Variants in PARD3B observed in about 807,000 individuals in gnomAD.
The protein encoded by PARD3B is partitioning defective 3 homolog B.
Under a neutral mutation model 130.2 loss-of-function variants are expected in PARD3B, and 103 were observed. The observed-to-expected ratio is 0.79, with a 90% CI of 0.67 to 0.93. PARD3B has a LOEUF of 0.93. Among genes scored for constraint, PARD3B ranks in the 40% least tolerant of loss-of-function variants. PARD3B has a pLI of 0.00. For missense variants in PARD3B, 1,609 were observed against 1,499.2 expected, an observed-to-expected ratio of 1.07 and a Z score of -1.21; for synonymous variants, 583 against 553.2, an observed-to-expected ratio of 1.05 and a Z score of -0.76.
intron 4 of PARD3B, among the ~76,000 whole-genome samples, chr2:205,072,708 A>G (rs1217142951): frequency 6.6e-6 from 1 of 152,242 alleles, no homozygotes; most frequent in Non-Finnish European, 1.5e-5. Context: ...GGAAGAAAAT[A>G]ATATCCTTCT....
Position 205,405,457 on chromosome 2 carries a change from C to G in PARD3B, c.2741+4334C>G, listed in dbSNP as rs562482560. Among the ~76,000 whole-genome samples, 40 of 152,252 alleles carry G rather than the reference C, an allele frequency of 2.6e-4. No individual in the cohort carries two copies. The South Asian group carries it at 4.1e-3, about 16-fold the overall frequency. On this transcript the variant is annotated intron_variant, in intron 19 of 22. Transcript: ENST00000406610. The surrounding 1 kb of genome is among the most constrained non-coding windows in gnomAD (Gnocchi z 4.1). ...ACAAAGAGCAAGGTACTCTCCTAGA[C>G]ATCAGAATTGCATTGTGTCATATTT...
chr2:205,608,704 A>G (rs1417367064), intron 22 of PARD3B, among the ~76,000 whole-genome samples: 1 of 152,236 alleles, frequency 6.6e-6, no homozygotes, highest in East Asian at 1.9e-4. Flanking sequence ...CATTTTCCAG[A>G]TAATGTCTGC....
intron 2 of PARD3B, among the ~76,000 whole-genome samples, chr2:204,877,090 G>A (rs1471469547): frequency 2.0e-5 from 3 of 152,152 alleles, no homozygotes; most frequent in Admixed American, 6.5e-5. Context: ...CATGTCCTTT[G>A]TAGGGACGTG....
At chr2:204,739,869 T>A (rs1446342805) in intron 2 of PARD3B, among the ~76,000 whole-genome samples, 1 of 152,130 alleles carries the variant, frequency 6.6e-6, no homozygotes, top group Non-Finnish European at 1.5e-5. Flanking sequence ...TTTTTAAGAA[T>A]AAAGCTTCTC....
chr2:204,597,250 C>T (rs1026462766), intron 1 of PARD3B, among the ~76,000 whole-genome samples: 1 of 150,944 alleles, frequency 6.6e-6, no homozygotes, highest in African/African-American at 2.4e-5. Context: ...TGGCAGGAGC[C>T]GATGCGTGTT....
At chr2:204,814,274 G>C (rs1181539725) in intron 2 of PARD3B, among the ~76,000 whole-genome samples, 1 of 151,616 alleles carries the variant, frequency 6.6e-6, no homozygotes, top group Non-Finnish European at 1.5e-5. Context: ...CTGACATAAA[G>C]AGATACAATT....
At chr2:204,998,404 G>T (rs62173515) in intron 3 of PARD3B, among the ~76,000 whole-genome samples, 1 of 58,258 alleles carries the variant, frequency 1.7e-5, no homozygotes, top group Non-Finnish European at 3.3e-5. Context: ...ATGTATATAT[G>T]TGTATATATA....
At chr2:204,771,097 G>A (rs17450756) in intron 2 of PARD3B, among the ~76,000 whole-genome samples, 1,990 of 152,174 alleles carry the variant, frequency 0.013, 21 homozygotes, top group African/African-American at 0.024. Flanking sequence ...ATCAGAGCAG[G>A]CATGTGTGCA....
chr2:205,614,322 C>T (rs1337893130), intron 22 of PARD3B, among the ~76,000 whole-genome samples: 1 of 152,196 alleles, frequency 6.6e-6, no homozygotes, highest in Non-Finnish European at 1.5e-5. Flanking sequence ...CAAGGTACAA[C>T]TTACAGCTGG....
In PARD3B at chr2:205,160,397, A is replaced by T. The variant is rs981582559; in HGVS notation, c.1620+1490A>T. Reference sequence around the variant, plus strand: ...AGGCTAGCTGGCGCATGTCCCTCTCATGCCTCGAGCTGTCAGAGGGCCAGC... The same window carrying T: ...AGGCTAGCTGGCGCATGTCCCTCTCTTGCCTCGAGCTGTCAGAGGGCCAGC... On this transcript the variant is annotated intron_variant, in intron 11 of 22. Coordinates refer to ENST00000406610, the MANE Select transcript of PARD3B (RefSeq NM_001302769.2). This position sits in a 1 kb window ranked among gnomAD's most constrained non-coding sequence, Gnocchi z 4.0. Among the ~76,000 whole-genome samples the T allele has an allele frequency of 2.0e-5, 3 of 152,086 alleles. No individual in the cohort carries two copies.
intron 1 of PARD3B, among the ~76,000 whole-genome samples, chr2:204,589,266 G>A (rs1284080009): frequency 6.6e-6 from 1 of 152,168 alleles, no homozygotes; most frequent in Admixed American, 6.5e-5. Flanking sequence ...ACAGTGTTGA[G>A]CCTTGGCAAA....
At chr2:204,726,640 TTC>T (rs2125330027) in intron 2 of PARD3B, among the ~76,000 whole-genome samples, 1 of 152,284 alleles carries the variant, frequency 6.6e-6, no homozygotes, top group South Asian at 2.1e-4. Flanking sequence ...ACTTTCTCAG[TTC>T]CTTACCTTAT....
In PARD3B at chr2:204,643,905, G is replaced by A. The variant is rs114679361; in HGVS notation, c.121-42276G>A. ...AACCTGAGTATACAACATTTAAAAA[G>A]TAGAAGCCTGACTGCGAGGATGACA... is the stretch of plus-strand genomic sequence containing the variant. On this transcript the variant is annotated intron_variant, in intron 1 of 22. Transcript: ENST00000406610. 8.0e-3 allele frequency among the ~76,000 whole-genome samples: 1,213 copies of A among 152,276 alleles called. 16 individuals carry two copies. The highest frequency in any genetic ancestry group is 0.028 in the African/African-American group (1,150 of 41,548).
At chr2:204,636,617 C>T (rs1574593212) in intron 1 of PARD3B, among the ~76,000 whole-genome samples, 1 of 152,200 alleles carries the variant, frequency 6.6e-6, no homozygotes, top group South Asian at 2.1e-4. Flanking sequence ...TTTCCTTTGT[C>T]CTGCCTTCAG....
chr2:204,584,450 C>A (rs2032729764), intron 1 of PARD3B, among the ~76,000 whole-genome samples: 1 of 152,094 alleles, frequency 6.6e-6, no homozygotes, highest in Admixed American at 6.5e-5. Flanking sequence ...AAAATAAGCT[C>A]ATTTCTGAAA....
intron 21 of PARD3B, among the ~76,000 whole-genome samples, chr2:205,541,225 TA>T (rs1257123880): frequency 6.6e-6 from 1 of 152,172 alleles, no homozygotes; most frequent in East Asian, 1.9e-4. Flanking sequence ...CTTGTTTTCA[TA>T]GTTTCCATTC....
intron 3 of PARD3B, among the ~76,000 whole-genome samples, chr2:204,974,218 A>G (rs1300249031): frequency 6.6e-6 from 1 of 152,140 alleles, no homozygotes; most frequent in Non-Finnish European, 1.5e-5. Context: ...TTGGTGTGTA[A>G]AATTAGAGGA....
intron 3 of PARD3B, among the ~76,000 whole-genome samples, chr2:205,018,419 T>C (rs1305574754): frequency 6.6e-6 from 1 of 152,120 alleles, no homozygotes; most frequent in Non-Finnish European, 1.5e-5. Context: ...ATTCTACCAC[T>C]TAGTAGCCCT....
chr2:205,500,085 G>C lies in PARD3B; in HGVS notation c.3180+54G>C. The C allele has an allele frequency of 2.5e-6, 4 of 1,587,156 alleles. No individual in the cohort carries two copies. In the South Asian group the frequency reaches 4.5e-5, roughly 18 times the overall value. Reference sequence around the variant, plus strand: ...AATTCATCTTTTCTAAGAATGTTTAGAGCAGAAGAACACGGTCAAGAATGT... The same window carrying C: ...AATTCATCTTTTCTAAGAATGTTTACAGCAGAAGAACACGGTCAAGAATGT... On this transcript the variant is annotated intron_variant, in intron 21 of 22. Coordinates refer to ENST00000406610, the MANE Select transcript of PARD3B (RefSeq NM_001302769.2).
Sources: allele counts gnomAD v4.1 joint callset (sites outside exome capture counted in the v4.1 genomes callset), GRCh38; gene constraint gnomAD v4.1.1; non-coding constraint Gnocchi (gnomAD v3.1); transcripts MANE v1.5; gene names NCBI Gene and HGNC (gene_info 2026-07-23, HGNC 2026-07-21).